DOCK8: variants seen among roughly 807,000 people sequenced by gnomAD.
The protein encoded by DOCK8 is dedicator of cytokinesis 8, also known as dedicator of cytokinesis protein 8.
A neutral mutation model predicts 245.6 loss-of-function variants in DOCK8; 141 were observed. The ratio of observed to expected loss-of-function variants is 0.57; its 90% CI spans 0.50 to 0.66. DOCK8 has a LOEUF of 0.66. DOCK8 is among the 30% of genes least tolerant of loss of function. The probability of loss-of-function intolerance (pLI) is 0.00; values close to 1 mark genes in which losing one functional copy is unlikely to be tolerated. For missense variants in DOCK8, 2,965 were observed against 2,603.4 expected (o/e 1.14, Z -3.02); for synonymous variants, 1,168 against 970.2 (o/e 1.20, Z -3.79).
intron 46 of DOCK8, among the ~76,000 whole-genome samples, chr9:453,748 G>A (rs1312680590): frequency 3.3e-5 from 5 of 152,088 alleles, no homozygotes; most frequent in African/African-American, 1.2e-4. Context: ...TTTTTGTGGA[G>A]ACAGGGTCTC....
intron 1 of DOCK8, among the ~76,000 whole-genome samples, chr9:248,426 TCC>T (rs879328763): frequency 4.8e-5 from 7 of 146,702 alleles, no homozygotes; most frequent in Non-Finnish European, 1.1e-4. Context: ...CTTTTATTTT[TCC>T]CTTCCTTCTG....
intron 1 of DOCK8, among the ~76,000 whole-genome samples, chr9:255,747 T>C (rs1234244735): frequency 2.0e-5 from 3 of 151,866 alleles, no homozygotes; most frequent in African/African-American, 7.3e-5. Flanking sequence ...CTCTAGTCTC[T>C]TATCATTTCT....
intron 5 of DOCK8, among the ~76,000 whole-genome samples, chr9:311,402 G>A (rs1270139206): frequency 6.7e-6 from 1 of 150,188 alleles, no homozygotes; most frequent in Non-Finnish European, 1.5e-5. Context: ...ACGCCACCAT[G>A]CCTGGCTAAG....
intron 1 of DOCK8, among the ~76,000 whole-genome samples, chr9:219,139 A>C (rs989793413): frequency 6.6e-6 from 1 of 152,240 alleles, no homozygotes; most frequent in African/African-American, 2.4e-5. Flanking sequence ...ATATTGTGCT[A>C]AGAACTTTAT....
chr9:393,950 C>G (rs1158713940), intron 24 of DOCK8, among the ~76,000 whole-genome samples: 1 of 152,154 alleles, frequency 6.6e-6, no homozygotes, highest in Non-Finnish European at 1.5e-5. Flanking sequence ...TTTCTCTATG[C>G]TAGCTCTAAA....
chr9:318,011 T>C (rs1240255618), intron 7 of DOCK8, among the ~76,000 whole-genome samples: 3 of 152,174 alleles, frequency 2.0e-5, no homozygotes, highest in Non-Finnish European at 4.4e-5. Flanking sequence ...TGTATTAATT[T>C]TGTACTTTCA....
At chr9:250,371 T>C (rs2047617160) in intron 1 of DOCK8, among the ~76,000 whole-genome samples, 1 of 152,180 alleles carries the variant, frequency 6.6e-6, no homozygotes, top group African/African-American at 2.4e-5. Flanking sequence ...AGCTTTGACA[T>C]TGTCCCTTCA....
At chr9:392,242 G>C (rs1317374856) in intron 24 of DOCK8, among the ~76,000 whole-genome samples, 1 of 151,858 alleles carries the variant, frequency 6.6e-6, no homozygotes, top group Non-Finnish European at 1.5e-5. Context: ...GAGAAATGCT[G>C]AACAATAGGA....
chr9:464,201 G>C lies in DOCK8; in HGVS notation c.6282G>C (p.Gln2094His). The C allele has an allele frequency of 6.2e-7, 1 of 1,614,022 alleles. No individual in the cohort carries two copies. The highest frequency in any genetic ancestry group is 8.5e-7 in the Non-Finnish European group (1 of 1,179,896). Residue 2094 changes from glutamine (Q) to histidine (H), a missense_variant, in exon 48 of 48, where the codon CAG (glutamine) becomes CAC (histidine). Coordinates refer to ENST00000432829, the MANE Select transcript of DOCK8 (RefSeq NM_203447.4). ...CTAGTTTCAGGAAATGTGAAACCCA[G>C]TTGTCACAGGGCAGCTAAGAAAAGC... ...HRSSFRKCET[Q>H]LSQGS
intron 4 of DOCK8, among the ~76,000 whole-genome samples, chr9:296,653 A>G (rs1405342239): frequency 3.3e-5 from 5 of 152,266 alleles, no homozygotes. Flanking sequence ...CCAGAACACC[A>G]TAAAAATGTT....
intron 1 of DOCK8, among the ~76,000 whole-genome samples, chr9:237,528 G>A (rs751135530): frequency 9.2e-5 from 14 of 152,160 alleles, no homozygotes; most frequent in East Asian, 1.9e-4. Flanking sequence ...GGTGGCATGC[G>A]CCTGTAGTCC....
At chr9:309,120 A>G (rs2049982920) in intron 5 of DOCK8, among the ~76,000 whole-genome samples, 1 of 152,230 alleles carries the variant, frequency 6.6e-6, no homozygotes, top group Non-Finnish European at 1.5e-5. Context: ...CTTGCCAGTT[A>G]TACCCTACGG....
At chr9:344,330 A>G (rs1478566482) in intron 14 of DOCK8, among the ~76,000 whole-genome samples, 1 of 152,206 alleles carries the variant, frequency 6.6e-6, no homozygotes, top group African/African-American at 2.4e-5. Context: ...ATTTCACAGA[A>G]TTTAGGAAGC....
intron 26 of DOCK8, among the ~76,000 whole-genome samples, chr9:400,538 T>A (rs1462732008): frequency 8.3e-5 from 4 of 48,386 alleles, no homozygotes; most frequent in Non-Finnish European, 1.4e-4. Flanking sequence ...CACCACCACC[T>A]CCACCACCAC....
chr9:402,243 T>C (rs1232054824), intron 26 of DOCK8, among the ~76,000 whole-genome samples: 7 of 152,236 alleles, frequency 4.6e-5, no homozygotes, highest in Non-Finnish European at 7.3e-5. Context: ...TCTTTCTCCT[T>C]AAATTCTTCC....
chr9:451,120 C>T (rs2057417771), intron 45 of DOCK8, among the ~76,000 whole-genome samples: 1 of 152,000 alleles, frequency 6.6e-6, no homozygotes, highest in African/African-American at 2.4e-5. Flanking sequence ...TCAGACCAGC[C>T]TGGCCAACAT....
intron 8 of DOCK8, 134 bp downstream of exon 8, chr9:325,871 T>C: frequency 1.2e-6 from 1 of 829,272 alleles, no homozygotes; most frequent in Non-Finnish European, 2.0e-6. Context: ...AGTCCAGTTC[T>C]GTTGCCTTTG....
intron 39 of DOCK8, 49 bp from the exon 40 acceptor site, chr9:439,196 A>G (rs768807835): frequency 6.2e-7 from 1 of 1,613,470 alleles, no homozygotes; most frequent in South Asian, 1.1e-5. Context: ...GTGGTCTCTT[A>G]CTAGTCTGGT....
In DOCK8 at chr9:345,759, A is replaced by T. The variant is rs542202005; in HGVS notation, c.1679+5438A>T. ...CTGCGTGGGGCACCATTCGAGTTGC[A>T]TTCTAGTGTATTAGGTTGGTGCAAA... On this transcript the variant is annotated intron_variant, in intron 14 of 47. Coordinates refer to ENST00000432829, the MANE Select transcript of DOCK8 (RefSeq NM_203447.4). Among the ~76,000 whole-genome samples, 13 of 152,108 alleles carry T rather than the reference A, an allele frequency of 8.5e-5. No homozygotes were observed. In the East Asian group the frequency reaches 2.5e-3, roughly 29 times the overall value.
Sources: gnomAD v4.1 joint callset for allele counts (sites outside exome capture counted in the v4.1 genomes callset) on GRCh38, gnomAD v4.1.1 for gene constraint, MANE v1.5 for transcripts, NCBI Gene and HGNC (gene_info 2026-07-23, HGNC 2026-07-21) for gene names.